The following SNX8 variants were observed in gnomAD, a reference collection of about 807,000 sequenced individuals.
SNX8 encodes the protein sorting nexin 8.
A neutral mutation model predicts 51.6 loss-of-function variants in SNX8; 25 were observed. The observed-to-expected ratio is 0.48, with a 90% CI of 0.35 to 0.68. The LOEUF is 0.68. SNX8 is among the 30% of genes least tolerant of loss of function. The probability of loss-of-function intolerance (pLI) is 0.00; values close to 1 mark genes in which losing one functional copy is unlikely to be tolerated. For missense variants in SNX8, 695 were observed against 624.0 expected (o/e 1.11, Z -1.21); for synonymous variants, 324 against 277.0 (o/e 1.17, Z -1.68).
intron 1 of SNX8, among the ~76,000 whole-genome samples, chr7:2,302,259 C>T (rs961789991): frequency 1.8e-4 from 27 of 152,346 alleles, no homozygotes; most frequent in Middle Eastern, 3.4e-3. Flanking sequence ...CGCGCCGCCA[C>T]GCCTGACTGG....
At chr7:2,312,943 G>A (rs1796686388) in intron 1 of SNX8, among the ~76,000 whole-genome samples, 2 of 152,052 alleles carry the variant, frequency 1.3e-5, no homozygotes, top group Non-Finnish European at 2.9e-5. Context: ...TGTCGCCCAG[G>A]CTGGAGTGCA....
At chr7:2,337,845 T>A (rs1778857306) in intron 1 of SNX8, among the ~76,000 whole-genome samples, 1 of 127,560 alleles carries the variant, frequency 7.8e-6, no homozygotes, top group Non-Finnish European at 1.7e-5. Flanking sequence ...AATAAAAGGA[T>A]ATCTTGTAAA....
intron 1 of SNX8, among the ~76,000 whole-genome samples, chr7:2,353,768 T>G (rs1779224941): frequency 6.6e-6 from 1 of 152,054 alleles, no homozygotes; most frequent in Admixed American, 6.6e-5. Flanking sequence ...TTTATTTAAT[T>G]TTCGTAGAGA....
chr7:2,270,622 T>A (rs1795622138), intron 4 of SNX8, among the ~76,000 whole-genome samples: 1 of 151,804 alleles, frequency 6.6e-6, no homozygotes, highest in Non-Finnish European at 1.5e-5. Context: ...GCCACATTCC[T>A]CTGCTGGCAA....
intron 5 of SNX8, among the ~76,000 whole-genome samples, chr7:2,266,398 G>A (rs1052457218): frequency 6.6e-6 from 1 of 151,704 alleles, no homozygotes; most frequent in Non-Finnish European, 1.5e-5. Context: ...CCAGGCTGGA[G>A]TGCAGTGGCG....
rs10273258 is a variant in SNX8, at chr7:2,311,860, C to T, written c.94+2468G>A. Among the ~76,000 whole-genome samples, 225 of 151,990 alleles carry T rather than the reference C, an allele frequency of 1.5e-3. 1 individual carries two copies. Among genetic ancestry groups the T allele is most frequent in the African/African-American group, 5.0e-3 (206 of 41,446 alleles). ...GCTGAGGCAGGAGAATGGCATGAAC[C>T]CGGGAGGCAGAGCTTGCAGTGAGCC... On this transcript the variant is annotated intron_variant, in intron 1 of 10. Transcript: ENST00000222990.
chr7:2,303,662 C>T (rs1339369963), intron 1 of SNX8, among the ~76,000 whole-genome samples: 1 of 152,244 alleles, frequency 6.6e-6, no homozygotes, highest in East Asian at 1.9e-4. Context: ...TACCACCAAC[C>T]CTGTGCTCTC....
At chr7:2,349,313 A>G (rs1779095843) in intron 1 of SNX8, among the ~76,000 whole-genome samples, 1 of 152,200 alleles carries the variant, frequency 6.6e-6, no homozygotes, top group African/African-American at 2.4e-5. Flanking sequence ...ATTGGCATAA[A>G]GCATGTTCAC....
chr7:2,322,347 A>C (rs1446522196), intron 1 of SNX8, among the ~76,000 whole-genome samples: 1 of 152,128 alleles, frequency 6.6e-6, no homozygotes, highest in East Asian at 1.9e-4. Context: ...ACAGTGAGCT[A>C]TGATTGTGCC....
chr7:2,332,061 A>C (rs1377135228), intron 1 of SNX8, among the ~76,000 whole-genome samples: 1 of 151,644 alleles, frequency 6.6e-6, no homozygotes, highest in East Asian at 1.9e-4. Flanking sequence ...ACAAAAATTA[A>C]ATGGGCATGT....
upstream of SNX8, among the ~76,000 whole-genome samples, chr7:2,354,470 G>T (rs894627142): frequency 6.6e-6 from 1 of 152,160 alleles, no homozygotes; most frequent in Admixed American, 6.5e-5. Context: ...TTGAGTTAGA[G>T]GACATTTTCC....
chr7:2,266,976 C>A (rs1795478509), intron 5 of SNX8, among the ~76,000 whole-genome samples: 1 of 152,200 alleles, frequency 6.6e-6, no homozygotes, highest in Admixed American at 6.5e-5. Flanking sequence ...CACAAGCATC[C>A]GTCTGTCTGA....
intron 5 of SNX8, among the ~76,000 whole-genome samples, chr7:2,268,600 G>A (rs1392699440): frequency 4.2e-5 from 6 of 142,364 alleles, no homozygotes; most frequent in South Asian, 2.3e-4. Flanking sequence ...AGGGAGGTGG[G>A]GGGGTCAGCC....
Position 2,264,356 on chromosome 7 carries a change from T to A in SNX8, c.724A>T (p.Ile242Phe), listed in dbSNP as rs750227057. 18 of 1,612,832 alleles carry A rather than the reference T, an allele frequency of 1.1e-5. No individual in the cohort carries two copies. In the Middle Eastern group the frequency reaches 6.6e-4, roughly 59 times the overall value. Residue 242 changes from isoleucine to phenylalanine, a missense_variant, in exon 6 of 11, where the codon ATC (isoleucine) becomes TTC (phenylalanine). Transcript: ENST00000222990. Reference protein sequence around the residue: ...FHKLRDRAERIASRAIDNAAD... With the variant: ...FHKLRDRAERFASRAIDNAAD... Reference sequence around the variant, plus strand: ...GCATTGTCGATGGCCCGCGATGCGATCCGCTCGGCCCTGTCGCGAAGCTTG... The same window carrying A: ...GCATTGTCGATGGCCCGCGATGCGAACCGCTCGGCCCTGTCGCGAAGCTTG...
rs751568982 is a variant in SNX8, at chr7:2,264,288, G to T, written c.782+10C>A. On this transcript the variant is annotated intron_variant, in intron 6 of 10. Transcript: ENST00000222990. ...GCGCGTGCCCCTGCAGAAGCTGAAA[G>T]GTCACCTACCTTAGCTCCTTCCCGA... 8.1e-6 allele frequency: 13 copies of T among 1,603,266 alleles called. No homozygotes were observed. In the Admixed American group the frequency reaches 2.2e-4, roughly 27 times the overall value.
rs138565946 is a variant in SNX8, at chr7:2,251,819, A to C, written c.*3237T>G. ...TGATAAACCGTCCAAAATGTAGGTC[A>C]TGTGTAAACAATTCCAGTTGTTGGG... On this transcript the variant is annotated 3_prime_UTR_variant, in exon 11 of 11. Coordinates refer to ENST00000222990, the MANE Select transcript of SNX8 (RefSeq NM_013321.4). 1 of 152,616 alleles carries C rather than the reference A, an allele frequency of 6.6e-6. No individual in the cohort carries two copies. The highest frequency in any genetic ancestry group is 2.4e-5 in the African/African-American group (1 of 41,586). 9.5% of individuals were successfully genotyped at this position (152,616 alleles called of 1,614,324 possible).
intron 1 of SNX8, among the ~76,000 whole-genome samples, chr7:2,295,838 G>C (rs932489761): frequency 6.6e-6 from 1 of 152,050 alleles, no homozygotes; most frequent in South Asian, 2.1e-4. Flanking sequence ...ATTAACCAGG[G>C]CGTCCTTTCC....
In SNX8 at chr7:2,257,114, G is replaced by A. The variant is rs1024167955; in HGVS notation, c.1135-91C>T. 2.3e-5 allele frequency: 32 copies of A among 1,412,686 alleles called. No homozygotes were observed. The Admixed American group carries it at 3.4e-4, about 15-fold the overall frequency. 87.5% of individuals were successfully genotyped at this position (1,412,686 alleles called of 1,614,324 possible). A position where few individuals can be genotyped will look rare whatever the true frequency, so the allele number is the denominator to read the frequency against. On this transcript the variant is annotated intron_variant, in intron 9 of 10. Transcript: ENST00000222990. Reference sequence around the variant, plus strand: ...ACCAGCGTGCTCCCTGAGCCAGGGCGGCCCCTTCTCCTTCAGCCTTCACCA... The same window carrying A: ...ACCAGCGTGCTCCCTGAGCCAGGGCAGCCCCTTCTCCTTCAGCCTTCACCA...
chr7:2,277,961 G>A (rs913726802), intron 2 of SNX8, 139 bp downstream of exon 2: 1 of 1,378,360 alleles, frequency 7.3e-7, no homozygotes, highest in African/African-American at 1.5e-5. Flanking sequence ...TCTGCTGCGA[G>A]TTCTGGATCT....
Sources: allele counts gnomAD v4.1 joint callset (sites outside exome capture counted in the v4.1 genomes callset), GRCh38; gene constraint gnomAD v4.1.1; transcripts MANE v1.5; gene names NCBI Gene and HGNC (gene_info 2026-07-23, HGNC 2026-07-21).